The following WDR7 variants were observed in gnomAD, a reference collection of about 807,000 sequenced individuals.
The protein encoded by WDR7 is WD repeat domain 7.
A neutral mutation model predicts 169.4 loss-of-function variants in WDR7; 46 were observed. The ratio of observed to expected loss-of-function variants is 0.27; its 90% CI spans 0.21 to 0.35. The LOEUF is 0.35. Among genes scored for constraint, WDR7 ranks in the 10% least tolerant of loss-of-function variants. The pLI is 1.00. For synonymous variants in WDR7, 612 were observed against 666.8 expected (o/e 0.92, Z 1.27); for missense variants, 1,534 against 1,859.3 (o/e 0.83, Z 3.22).
intron 20 of WDR7, among the ~76,000 whole-genome samples, chr18:56,855,393 C>G (rs753393051): frequency 6.6e-6 from 1 of 152,026 alleles, no homozygotes; most frequent in Admixed American, 6.6e-5. Flanking sequence ...AAGAGGAGTT[C>G]TTTTGTGTAG....
chr18:56,710,719 C>A (rs748244677), intron 12 of WDR7, among the ~76,000 whole-genome samples: 6 of 152,122 alleles, frequency 3.9e-5, no homozygotes, highest in Admixed American at 2.0e-4. Context: ...CTACTCTCAG[C>A]GCCCACTTCA....
chr18:56,883,651 C>T (rs1028443363), intron 21 of WDR7, among the ~76,000 whole-genome samples: 1 of 151,904 alleles, frequency 6.6e-6, no homozygotes, highest in African/African-American at 2.4e-5. Context: ...AATCTTTTAT[C>T]CCTCACCCCT....
At chr18:56,690,228 T>A (rs1368576643) in intron 7 of WDR7, among the ~76,000 whole-genome samples, 1 of 152,200 alleles carries the variant, frequency 6.6e-6, no homozygotes, top group Non-Finnish European at 1.5e-5. Context: ...TGTCCATTTC[T>A]TGTCTGTAAA....
chr18:56,967,425 C>A (rs2047425792), intron 26 of WDR7, among the ~76,000 whole-genome samples: 1 of 151,974 alleles, frequency 6.6e-6, no homozygotes, highest in Non-Finnish European at 1.5e-5. Context: ...TATCTAACTC[C>A]CTATGAAGAA....
At chr18:56,800,380 G>T (rs2044652071) in intron 19 of WDR7, among the ~76,000 whole-genome samples, 2 of 152,042 alleles carry the variant, frequency 1.3e-5, no homozygotes, top group African/African-American at 4.8e-5. Context: ...ACTTTGTCAT[G>T]TTTCCAGGCT....
At chr18:56,940,986 T>A (rs774272851) in intron 25 of WDR7, among the ~76,000 whole-genome samples, 14 of 152,188 alleles carry the variant, frequency 9.2e-5, no homozygotes, top group Non-Finnish European at 1.6e-4. Context: ...AGGAGGCGTG[T>A]GTCTTAACTG....
intron 26 of WDR7, among the ~76,000 whole-genome samples, chr18:56,995,465 G>A (rs1042280590): frequency 3.3e-5 from 5 of 152,190 alleles, no homozygotes; most frequent in African/African-American, 1.2e-4. Flanking sequence ...GTACTAAGAA[G>A]TATGTTCCGT....
chr18:56,954,683 CT>C (rs1021850931), intron 25 of WDR7, among the ~76,000 whole-genome samples: 1 of 152,026 alleles, frequency 6.6e-6, no homozygotes, highest in Non-Finnish European at 1.5e-5. Flanking sequence ...CTGTGTTTCT[CT>C]TTTCAATGAG....
At chr18:56,958,767 C>G (rs2047293623) in intron 25 of WDR7, among the ~76,000 whole-genome samples, 1 of 151,918 alleles carries the variant, frequency 6.6e-6, no homozygotes, top group Admixed American at 6.6e-5. Context: ...TTTTTGTTTC[C>G]TTTGTTGTTC....
intron 26 of WDR7, among the ~76,000 whole-genome samples, chr18:57,005,287 T>C (rs1264142684): frequency 6.6e-6 from 1 of 152,144 alleles, no homozygotes; most frequent in African/African-American, 2.4e-5. Context: ...TCTTCCTTTT[T>C]TAAAAAAAGC....
At chr18:56,795,030 A>C (rs1599049797) in intron 19 of WDR7, among the ~76,000 whole-genome samples, 2 of 152,348 alleles carry the variant, frequency 1.3e-5, no homozygotes, top group East Asian at 3.9e-4. Flanking sequence ...ATCCTCATCA[A>C]CTACTCTGCA....
At chr18:56,870,433 T>TA (rs5825207) in intron 20 of WDR7, among the ~76,000 whole-genome samples, 10,072 of 152,162 alleles carry the variant, frequency 0.066, 393 homozygotes, top group Middle Eastern at 0.21. Context: ...AAACATGTTT[T>TA]AAAAAAATCT....
At chr18:56,782,145 C>A (rs1319892828) in intron 19 of WDR7, 2 of 152,134 alleles carry the variant, frequency 1.3e-5, no homozygotes, top group Non-Finnish European at 2.9e-5. Context: ...ATAAATCTTT[C>A]AAAAGAGTAT....
Position 56,820,339 on chromosome 18 carries a change from C to CAAAAAAAAAAAAAAAAAA in WDR7, c.3304+4203_3304+4220dup, listed in dbSNP as rs386387798. On this transcript the variant is annotated intron_variant, in intron 20 of 27. Coordinates refer to ENST00000254442, the MANE Select transcript of WDR7 (RefSeq NM_015285.3). The stretch of plus-strand genomic sequence containing the variant: ...AAGGGTCAAGAGTCACTGACATTGT[C>CAAAAAAAAAAAAAAAAAA]AAAAAAAAAAAAAAAAAAAAAAAAA... 1.9e-4 allele frequency among the ~76,000 whole-genome samples: 8 copies of CAAAAAAAAAAAAAAAAAA among 42,476 alleles called. 1 individual carries two copies. Among genetic ancestry groups the CAAAAAAAAAAAAAAAAAA allele is most frequent in the African/African-American group, 7.5e-4 (6 of 8,002 alleles). The allele number at this position is 42,476 out of a possible 152,430, so 27.9% of individuals were successfully genotyped here.
intron 19 of WDR7, among the ~76,000 whole-genome samples, chr18:56,796,003 C>T (rs1432812994): frequency 6.6e-6 from 1 of 152,126 alleles, no homozygotes; most frequent in Non-Finnish European, 1.5e-5. Flanking sequence ...AACACGATGA[C>T]ATTATAATGA....
chr18:56,734,809 C>T (rs957551185), intron 14 of WDR7, among the ~76,000 whole-genome samples: 1 of 151,978 alleles, frequency 6.6e-6, no homozygotes, highest in African/African-American at 2.4e-5. Context: ...TTCTTCAGGA[C>T]AGCAGTTCAG....
intron 20 of WDR7, among the ~76,000 whole-genome samples, chr18:56,874,309 T>G (rs1202153475): frequency 6.6e-6 from 1 of 152,028 alleles, no homozygotes; most frequent in Non-Finnish European, 1.5e-5. Flanking sequence ...ATTTAGGTGG[T>G]TTTTTTCCCC....
chr18:56,663,820 G>A (rs531517191), intron 1 of WDR7, among the ~76,000 whole-genome samples: 3 of 151,700 alleles, frequency 2.0e-5, no homozygotes, highest in Non-Finnish European at 4.4e-5. Flanking sequence ...GGAATCACAC[G>A]GAGAAAGGTA....
chr18:56,995,410 CTGAT>C (rs1284948212), intron 26 of WDR7, among the ~76,000 whole-genome samples: 1 of 152,104 alleles, frequency 6.6e-6, no homozygotes, highest in Non-Finnish European at 1.5e-5. Flanking sequence ...GGGGAAGGAT[CTGAT>C]TGATAGTCAG....
Sources: allele counts gnomAD v4.1 joint callset (sites outside exome capture counted in the v4.1 genomes callset), GRCh38; gene constraint gnomAD v4.1.1; transcripts MANE v1.5; gene names NCBI Gene and HGNC (gene_info 2026-07-23, HGNC 2026-07-21).